Variants in PHYHIPL observed in about 807,000 individuals in gnomAD.
The protein encoded by PHYHIPL is phytanoyl-CoA 2-hydroxylase interacting protein like.
PHYHIPL carries 9 observed loss-of-function variants against 33.4 expected under a neutral mutation model. The ratio of observed to expected loss-of-function variants is 0.27; its 90% CI spans 0.16 to 0.47. The LOEUF (loss-of-function observed/expected upper bound fraction) is 0.47. Ranked by LOEUF, PHYHIPL falls within the 20% of genes least tolerant of loss-of-function variation. The pLI is 0.99. For synonymous variants in PHYHIPL, 153 were observed against 154.1 expected (o/e 0.99, Z 0.05); for missense variants, 365 against 460.7 (o/e 0.79, Z 1.90).
At chr10:59,229,707 C>T (rs969508612) in intron 1 of PHYHIPL, among the ~76,000 whole-genome samples, 108 of 152,214 alleles carry the variant, frequency 7.1e-4, no homozygotes, top group African/African-American at 2.5e-3. Flanking sequence ...AAGTGACATA[C>T]AGAAATCAGA....
chr10:59,195,413 G>T (rs1838885913), intron 1 of PHYHIPL, among the ~76,000 whole-genome samples: 1 of 152,164 alleles, frequency 6.6e-6, no homozygotes, highest in Admixed American at 6.5e-5. Context: ...TTAATGTTAG[G>T]TTTGATGAAG....
chr10:59,206,771 A>G (rs1016939146), intron 1 of PHYHIPL: 1 of 1,233,036 alleles, frequency 8.1e-7, no homozygotes, highest in Non-Finnish European at 1.0e-6. Context: ...TGAAGAACTT[A>G]CATCCAAACA....
At position 59,209,496 on chromosome 10, in the gene PHYHIPL, G is replaced by A. The variant is rs572561028; in HGVS notation, c.107-24808G>A. The stretch of plus-strand genomic sequence containing the variant: ...AACATGCCAAATTGTAAAGACCATC[G>A]ATGCTATGAAGAAACTGCATCAACT... On this transcript the variant is annotated intron_variant, in intron 1 of 4. Transcript: ENST00000373880. 4.5e-3 allele frequency among the ~76,000 whole-genome samples: 685 copies of A among 152,190 alleles called. 6 individuals are homozygous for A. Among genetic ancestry groups the A allele is most frequent in the African/African-American group, 0.011 (477 of 41,508 alleles).
intron 1 of PHYHIPL, among the ~76,000 whole-genome samples, chr10:59,229,709 G>T (rs191163923): frequency 6.6e-6 from 1 of 152,260 alleles, no homozygotes; most frequent in Admixed American, 6.5e-5. Context: ...GTGACATACA[G>T]AAATCAGAAG....
chr10:59,190,421 G>A (rs1238530125), intron 1 of PHYHIPL, among the ~76,000 whole-genome samples: 2 of 151,742 alleles, frequency 1.3e-5, no homozygotes, highest in Non-Finnish European at 3.0e-5. Flanking sequence ...TGACAGAATC[G>A]ATTCATCAGT....
At chr10:59,208,554 C>T (rs771103942) in intron 1 of PHYHIPL, among the ~76,000 whole-genome samples, 4 of 152,004 alleles carry the variant, frequency 2.6e-5, no homozygotes, top group Non-Finnish European at 5.9e-5. Context: ...AGCAAGGGAA[C>T]AAAACTGGAC....
At chr10:59,211,326 G>C (rs769358197) in intron 1 of PHYHIPL, among the ~76,000 whole-genome samples, 1 of 152,146 alleles carries the variant, frequency 6.6e-6, no homozygotes, top group Non-Finnish European at 1.5e-5. Context: ...ATAGTGAGCT[G>C]TGATCAGGCC....
chr10:59,238,541 C>T, intron 3 of PHYHIPL, 47 bp from the exon 4 acceptor site: 1 of 1,087,444 alleles, frequency 9.2e-7, no homozygotes, highest in Non-Finnish European at 1.4e-6. Flanking sequence ...ATGGTTGGTA[C>T]TTTTGGTGCA....
At chr10:59,212,521 C>G (rs1007101456) in intron 1 of PHYHIPL, among the ~76,000 whole-genome samples, 1 of 152,190 alleles carries the variant, frequency 6.6e-6, no homozygotes, top group African/African-American at 2.4e-5. Flanking sequence ...GACAGCCATT[C>G]AAACTGTGTT....
intron 1 of PHYHIPL, among the ~76,000 whole-genome samples, chr10:59,233,760 A>G (rs1840145587): frequency 6.6e-6 from 1 of 151,830 alleles, no homozygotes; most frequent in Admixed American, 6.6e-5. Flanking sequence ...AAATTCATCA[A>G]GGTTCCACAG....
intron 1 of PHYHIPL, among the ~76,000 whole-genome samples, chr10:59,192,959 C>A (rs1243752228): frequency 6.6e-6 from 1 of 152,120 alleles, no homozygotes; most frequent in East Asian, 1.9e-4. Context: ...AAATTTTCAT[C>A]TGTGTCTCAT....
At chr10:59,204,254 A>C (rs574297926) in intron 1 of PHYHIPL, among the ~76,000 whole-genome samples, 2 of 152,226 alleles carry the variant, frequency 1.3e-5, no homozygotes, top group Non-Finnish European at 2.9e-5. Flanking sequence ...CTAGACCTTA[A>C]GTTAACACTA....
At chr10:59,211,758 TG>T (rs1305822179) in intron 1 of PHYHIPL, among the ~76,000 whole-genome samples, 1 of 150,550 alleles carries the variant, frequency 6.6e-6, no homozygotes, top group African/African-American at 2.4e-5. Context: ...GCACAGCATC[TG>T]AATAAACTGA....
At chr10:59,226,737 C>T (rs1839937064) in intron 1 of PHYHIPL, among the ~76,000 whole-genome samples, 1 of 152,060 alleles carries the variant, frequency 6.6e-6, no homozygotes, top group Admixed American at 6.6e-5. Flanking sequence ...CTTCATTTTA[C>T]ATATGGAAGG....
Position 59,176,668 on chromosome 10 carries a change from T to G in PHYHIPL, c.-186T>G. ...AGAGCCGCACACTCCGCGGAGCTCC[T>G]GCCACAGCCGTCGCCTTCGCGGCGG... On this transcript the variant is annotated 5_prime_UTR_variant, in exon 1 of 5. Coordinates refer to ENST00000373880, the MANE Select transcript of PHYHIPL (RefSeq NM_032439.4). 1 of 568,382 alleles carries G rather than the reference T, an allele frequency of 1.8e-6. No homozygotes were observed. The highest frequency in any genetic ancestry group is 3.1e-6 in the Non-Finnish European group (1 of 322,850). The allele number at this position is 568,382 out of a possible 1,614,324, so 35.2% of individuals were successfully genotyped here.
intron 1 of PHYHIPL, among the ~76,000 whole-genome samples, chr10:59,217,555 A>G (rs1488165792): frequency 1.3e-5 from 2 of 151,856 alleles, no homozygotes; most frequent in Non-Finnish European, 2.9e-5. Context: ...CTGTATTCTG[A>G]TATCTCTAAT....
At chr10:59,242,704 A>AAGAT (rs1399875811) in intron 4 of PHYHIPL, among the ~76,000 whole-genome samples, 1 of 152,188 alleles carries the variant, frequency 6.6e-6, no homozygotes, top group African/African-American at 2.4e-5. Flanking sequence ...AAAGAAATAG[A>AAGAT]AGATACAAAG....
chr10:59,191,208 AT>A (rs1838775261), intron 1 of PHYHIPL, among the ~76,000 whole-genome samples: 1 of 151,950 alleles, frequency 6.6e-6, no homozygotes. Context: ...TCTGACCCAT[AT>A]ATATTCTCAT....
chr10:59,195,348 G>A (rs1488567409), intron 1 of PHYHIPL, among the ~76,000 whole-genome samples: 4 of 152,132 alleles, frequency 2.6e-5, no homozygotes, highest in African/African-American at 7.2e-5. Context: ...GCATGACGTG[G>A]GAGCCTTCAT....
Sources: gnomAD v4.1 joint callset for allele counts (sites outside exome capture counted in the v4.1 genomes callset) on GRCh38, gnomAD v4.1.1 for gene constraint, MANE v1.5 for transcripts, NCBI Gene and HGNC (gene_info 2026-07-23, HGNC 2026-07-21) for gene names.